Variants in HCN1 observed in about 807,000 individuals in gnomAD.
HCN1 encodes the protein hyperpolarization activated cyclic nucleotide gated potassium channel 1, also known as potassium/sodium hyperpolarization-activated cyclic nucleotide-gated channel 1.
Under a neutral mutation model 78.9 loss-of-function variants are expected in HCN1, and 13 were observed. That is an observed-to-expected ratio of 0.16 (90% CI 0.11 to 0.26). The LOEUF is 0.26. Ranked by LOEUF, HCN1 falls within the 10% of genes least tolerant of loss-of-function variation. The pLI is 1.00. For synonymous variants in HCN1, 552 were observed against 455.5 expected, an observed-to-expected ratio of 1.21 and a Z score of -2.70; for missense variants, 810 against 1,154.3, an observed-to-expected ratio of 0.70 and a Z score of 4.32.
chr5:45,657,811 C>T (rs893685018), intron 1 of HCN1, among the ~76,000 whole-genome samples: 2 of 152,186 alleles, frequency 1.3e-5, no homozygotes, highest in Non-Finnish European at 2.9e-5. Context: ...AATGGCCATA[C>T]TGCCCAAGGT....
chr5:45,691,378 A>C (rs1739911972), intron 1 of HCN1, among the ~76,000 whole-genome samples: 1 of 152,102 alleles, frequency 6.6e-6, no homozygotes. Context: ...ATAAATCATA[A>C]TATCTACTAA....
chr5:45,445,873 C>A (rs1012147291), intron 3 of HCN1, among the ~76,000 whole-genome samples: 1 of 152,090 alleles, frequency 6.6e-6, no homozygotes, highest in African/African-American at 2.4e-5. Context: ...ACATGCACAC[C>A]AAAAACCCAT....
At chr5:45,687,948 T>G (rs1159982369) in intron 1 of HCN1, among the ~76,000 whole-genome samples, 1 of 152,162 alleles carries the variant, frequency 6.6e-6, no homozygotes, top group East Asian at 1.9e-4. Flanking sequence ...GAGTTCTGTA[T>G]TCACTAAGGA....
intron 2 of HCN1, among the ~76,000 whole-genome samples, chr5:45,532,914 C>A (rs1306101825): frequency 6.6e-6 from 1 of 152,130 alleles, no homozygotes; most frequent in Admixed American, 6.5e-5. Flanking sequence ...ACAAAACATT[C>A]CAAGGAATAG....
intron 2 of HCN1, among the ~76,000 whole-genome samples, chr5:45,469,078 TAG>T (rs1741336109): frequency 6.6e-6 from 1 of 151,950 alleles, no homozygotes; most frequent in South Asian, 2.1e-4. Context: ...TTTAATATTA[TAG>T]AGTCATATTT....
chr5:45,379,649 G>A (rs1437784988), intron 4 of HCN1, among the ~76,000 whole-genome samples: 2 of 151,958 alleles, frequency 1.3e-5, no homozygotes, highest in Non-Finnish European at 2.9e-5. Context: ...AAAACATTGT[G>A]GTTACCACAA....
intron 3 of HCN1, among the ~76,000 whole-genome samples, chr5:45,410,541 T>C (rs1740003273): frequency 6.6e-6 from 1 of 152,082 alleles, no homozygotes; most frequent in Non-Finnish European, 1.5e-5. Context: ...ATTAAAAAAG[T>C]ATTTTTAAAA....
intron 3 of HCN1, among the ~76,000 whole-genome samples, chr5:45,429,351 A>G (rs955155821): frequency 6.6e-6 from 1 of 152,110 alleles, no homozygotes; most frequent in Non-Finnish European, 1.5e-5. Flanking sequence ...TCAGCTTTAT[A>G]TGGGGGCTTC....
chr5:45,343,963 T>C (rs1363155438), intron 5 of HCN1, among the ~76,000 whole-genome samples: 2 of 151,932 alleles, frequency 1.3e-5, no homozygotes, highest in Non-Finnish European at 2.9e-5. Context: ...AATTAACAGG[T>C]GTATTAGTAT....
At chr5:45,423,205 A>C (rs1390150623) in intron 3 of HCN1, among the ~76,000 whole-genome samples, 1 of 152,220 alleles carries the variant, frequency 6.6e-6, no homozygotes, top group African/African-American at 2.4e-5. Context: ...AAAATTAAAA[A>C]AATACTTATT....
chr5:45,496,395 G>C (rs1742032183), intron 2 of HCN1, among the ~76,000 whole-genome samples: 1 of 151,868 alleles, frequency 6.6e-6, no homozygotes, highest in African/African-American at 2.4e-5. Context: ...GCGTAGAGGT[G>C]TTTGTAGTAT....
At chr5:45,377,696 C>T (rs969710126) in intron 4 of HCN1, among the ~76,000 whole-genome samples, 10 of 151,894 alleles carry the variant, frequency 6.6e-5, no homozygotes, top group Admixed American at 2.0e-4. Context: ...TAATTATTTC[C>T]GGTTTTGTGA....
chr5:45,352,852 A>G (rs942828347), intron 5 of HCN1, among the ~76,000 whole-genome samples: 2 of 152,096 alleles, frequency 1.3e-5, no homozygotes, highest in Admixed American at 6.6e-5. Flanking sequence ...TGAGGCCACA[A>G]GAAGGAATTT....
intron 2 of HCN1, among the ~76,000 whole-genome samples, chr5:45,561,886 G>A (rs1743612133): frequency 2.0e-5 from 3 of 152,098 alleles, no homozygotes; most frequent in Admixed American, 2.0e-4. Context: ...GTGCTGTGAG[G>A]GTGATGCACT....
chr5:45,611,398 A>T (rs1380726897), intron 2 of HCN1, among the ~76,000 whole-genome samples: 9 of 148,098 alleles, frequency 6.1e-5, no homozygotes, highest in African/African-American at 2.3e-4. Context: ...CATCCTCCTG[A>T]GTAGCTGGGA....
chr5:45,414,934 C>T (rs1377610860), intron 3 of HCN1, among the ~76,000 whole-genome samples: 3 of 151,834 alleles, frequency 2.0e-5, no homozygotes, highest in African/African-American at 7.3e-5. Context: ...TCCTTGTGAC[C>T]CTTAATAATT....
At chr5:45,554,134 T>C (rs1433247523) in intron 2 of HCN1, among the ~76,000 whole-genome samples, 1 of 151,918 alleles carries the variant, frequency 6.6e-6, no homozygotes, top group Non-Finnish European at 1.5e-5. Flanking sequence ...TAGGCCAAAA[T>C]GAAGTTCTAA....
intron 6 of HCN1, among the ~76,000 whole-genome samples, chr5:45,267,920 T>C (rs1744893180): frequency 6.6e-6 from 1 of 152,050 alleles, no homozygotes; most frequent in Non-Finnish European, 1.5e-5. Context: ...GAAAATGGAA[T>C]AAAATGTCCA....
intron 4 of HCN1, among the ~76,000 whole-genome samples, chr5:45,379,199 T>A (rs2112023513): frequency 6.6e-6 from 1 of 152,288 alleles, no homozygotes; most frequent in African/African-American, 2.4e-5. Flanking sequence ...ATCGCCACAC[T>A]GTCTTCCACA....
Sources: gnomAD v4.1 joint callset for allele counts (sites outside exome capture counted in the v4.1 genomes callset) on GRCh38, gnomAD v4.1.1 for gene constraint, MANE v1.5 for transcripts, NCBI Gene and HGNC (gene_info 2026-07-23, HGNC 2026-07-21) for gene names.